Variants in CLVS2 observed in about 807,000 individuals in gnomAD.
CLVS2 encodes clavesin-2.
Under a neutral mutation model 29.0 loss-of-function variants are expected in CLVS2, and 19 were observed. The ratio of observed to expected loss-of-function variants is 0.66; its 90% CI spans 0.46 to 0.96. The LOEUF is 0.96. CLVS2 is among the 40% of genes least tolerant of loss of function. CLVS2 has a pLI of 0.00. For missense variants in CLVS2, 294 were observed against 404.1 expected, an observed-to-expected ratio of 0.73 and a Z score of 2.34; for synonymous variants, 161 against 151.3, an observed-to-expected ratio of 1.06 and a Z score of -0.47.
At chr6:123,055,016 A>G (rs1772672526) in intron 4 of CLVS2, among the ~76,000 whole-genome samples, 1 of 152,214 alleles carries the variant, frequency 6.6e-6, no homozygotes, top group Non-Finnish European at 1.5e-5. Flanking sequence ...TTCAGTGGTA[A>G]GAGACAAAGC....
chr6:123,067,768 A>G lies in CLVS2; in HGVS notation c.*4007A>G, dbSNP rs965856938. On this transcript the variant is annotated 3_prime_UTR_variant, in exon 6 of 6. Coordinates refer to ENST00000275162, the MANE Select transcript of CLVS2 (RefSeq NM_001010852.4). ...CTGATCATACAAGAAGAGGCAGATT[A>G]TAAACCAACATATTGGAACAAAAGA... The G allele has an allele frequency of 6.6e-5, 10 of 151,798 alleles. No individual in the cohort carries two copies. Among genetic ancestry groups the G allele is most frequent in the African/African-American group, 1.9e-4 (8 of 41,414 alleles). 9.4% of individuals were successfully genotyped at this position (151,798 alleles called of 1,614,324 possible). A position where few individuals can be genotyped will look rare whatever the true frequency, so the allele number is the denominator to read the frequency against.
rs9490645 is a variant in CLVS2, at chr6:123,067,502, C to A, written c.*3741C>A. The A allele has an allele frequency of 6.6e-6, 1 of 151,576 alleles. No individual in the cohort carries two copies. The highest frequency in any genetic ancestry group is 1.5e-5 in the Non-Finnish European group (1 of 67,686). The allele number at this position is 151,576 out of a possible 1,614,324, so 9.4% of individuals were successfully genotyped here. On this transcript the variant is annotated 3_prime_UTR_variant, in exon 6 of 6. Coordinates refer to ENST00000275162, the MANE Select transcript of CLVS2 (RefSeq NM_001010852.4). Reference sequence around the variant, plus strand: ...TGGTTGGTGAATAATATCTCAGCTTCTTTTTTTGTGTATATTTATTAATGA... The same window carrying A: ...TGGTTGGTGAATAATATCTCAGCTTATTTTTTTGTGTATATTTATTAATGA...
intron 3 of CLVS2, among the ~76,000 whole-genome samples, chr6:123,033,236 A>G (rs1160244769): frequency 1.3e-5 from 2 of 152,136 alleles, no homozygotes; most frequent in Admixed American, 1.3e-4. Flanking sequence ...AGAGAACAAC[A>G]TAAGATTATA....
At chr6:123,025,233 A>T (rs961166736) in intron 3 of CLVS2, among the ~76,000 whole-genome samples, 1 of 152,150 alleles carries the variant, frequency 6.6e-6, no homozygotes, top group African/African-American at 2.4e-5. Flanking sequence ...GAAAGCCGTT[A>T]TTAAGCACGC....
intron 3 of CLVS2, among the ~76,000 whole-genome samples, chr6:123,030,279 A>G (rs1775064808): frequency 2.0e-5 from 3 of 152,154 alleles, no homozygotes; most frequent in Non-Finnish European, 4.4e-5. Flanking sequence ...TGGAGCTATT[A>G]TAAGAGACAG....
intron 2 of CLVS2, among the ~76,000 whole-genome samples, chr6:123,010,673 C>A (rs1268665036): frequency 1.3e-5 from 2 of 151,920 alleles, no homozygotes; most frequent in Non-Finnish European, 2.9e-5. Context: ...CCACTTAAAA[C>A]GTGTGATGCC....
Position 122,997,683 on chromosome 6 carries a change from G to A in CLVS2, c.-95G>A. 2 of 1,236,084 alleles carry A rather than the reference G, an allele frequency of 1.6e-6. No homozygotes were observed. Among genetic ancestry groups the A allele is most frequent in the Admixed American group, 2.0e-5 (1 of 50,098 alleles). The allele number at this position is 1,236,084 out of a possible 1,614,324, so 76.6% of individuals were successfully genotyped here. ...GGGGAGAGGAAGCAGGCAGCAGGAG[G>A]TCTGGGGGCTGGAGTCTGGTGGTGG... is the stretch of plus-strand genomic sequence containing the variant. On this transcript the variant is annotated 5_prime_UTR_variant, in exon 2 of 6. Transcript: ENST00000275162.
chr6:123,026,712 G>T (rs1201542347), intron 3 of CLVS2, among the ~76,000 whole-genome samples: 2 of 152,114 alleles, frequency 1.3e-5, no homozygotes, highest in Non-Finnish European at 2.9e-5. Flanking sequence ...TGCTAATATT[G>T]TACCTGGCAT....
chr6:123,042,058 A>G (rs1775241757), intron 3 of CLVS2, among the ~76,000 whole-genome samples: 2 of 152,184 alleles, frequency 1.3e-5, no homozygotes, highest in South Asian at 2.1e-4. Context: ...TGGTAAATCC[A>G]TATTATTTCT....
intron 3 of CLVS2, among the ~76,000 whole-genome samples, chr6:123,018,794 A>G (rs1202629956): frequency 1.3e-5 from 2 of 152,064 alleles, no homozygotes; most frequent in Non-Finnish European, 2.9e-5. Flanking sequence ...TTGATGTGCA[A>G]TTAATAACAG....
intron 3 of CLVS2, among the ~76,000 whole-genome samples, chr6:123,041,483 CA>C (rs1319976873): frequency 6.6e-6 from 1 of 151,880 alleles, no homozygotes; most frequent in Non-Finnish European, 1.5e-5. Flanking sequence ...GCAATAACAA[CA>C]AACAAACACC....
intron 5 of CLVS2, among the ~76,000 whole-genome samples, chr6:123,056,367 ACCC>A (rs1030729769): frequency 6.6e-6 from 1 of 151,212 alleles, no homozygotes; most frequent in Non-Finnish European, 1.5e-5. Context: ...CTCCCTATCC[ACCC>A]CCCCAAACCA....
intron 5 of CLVS2, among the ~76,000 whole-genome samples, chr6:123,061,016 AT>A (rs1272235855): frequency 6.6e-6 from 1 of 152,230 alleles, no homozygotes; most frequent in Non-Finnish European, 1.5e-5. Context: ...AACCCCTGAG[AT>A]GGGCTGGGCA....
chr6:123,059,468 C>G (rs1298961238), intron 5 of CLVS2, among the ~76,000 whole-genome samples: 2 of 152,196 alleles, frequency 1.3e-5, no homozygotes, highest in African/African-American at 4.8e-5. Flanking sequence ...TCAGGAAATA[C>G]CAGTTGAATG....
intron 3 of CLVS2, among the ~76,000 whole-genome samples, chr6:123,017,918 A>C (rs2114316663): frequency 6.6e-6 from 1 of 152,218 alleles, no homozygotes; most frequent in South Asian, 2.1e-4. Flanking sequence ...TAGAGAAATG[A>C]GTGCTCTAGG....
rs1296921076 is a variant in CLVS2 at position 123,067,158 on chromosome 6, T to A, written c.*3397T>A. On this transcript the variant is annotated 3_prime_UTR_variant, in exon 6 of 6. Coordinates refer to ENST00000275162, the MANE Select transcript of CLVS2 (RefSeq NM_001010852.4). ...GGAAAGCCAAAAATTCATACATTAA[T>A]ACTTAGCTTTTTTAATACTGTTAAC... is the stretch of plus-strand genomic sequence containing the variant. 6.6e-6 allele frequency: 1 copy of A among 151,798 alleles called. No individual in the cohort carries two copies. The highest frequency in any genetic ancestry group is 1.5e-5 in the Non-Finnish European group (1 of 67,780). The allele number at this position is 151,798 out of a possible 1,614,324, so 9.4% of individuals were successfully genotyped here.
intron 4 of CLVS2, among the ~76,000 whole-genome samples, chr6:123,053,069 A>C (rs145870537): frequency 0.015 from 1,985 of 134,592 alleles, 197 homozygotes; most frequent in African/African-American, 0.056. Context: ...AAATCAGGCC[A>C]GGCGCAGTGG....
At chr6:123,059,045 C>T (rs1405364417) in intron 5 of CLVS2, among the ~76,000 whole-genome samples, 2 of 152,170 alleles carry the variant, frequency 1.3e-5, no homozygotes, top group Non-Finnish European at 2.9e-5. Context: ...TGATCTGACC[C>T]TGCCTCCCTC....
chr6:123,021,078 G>A (rs1162179806), intron 3 of CLVS2, among the ~76,000 whole-genome samples: 1 of 151,192 alleles, frequency 6.6e-6, no homozygotes, highest in Admixed American at 6.6e-5. Flanking sequence ...CAGAATATTT[G>A]CATTCTCTAA....
Sources: allele counts gnomAD v4.1 joint callset (sites outside exome capture counted in the v4.1 genomes callset), GRCh38; gene constraint gnomAD v4.1.1; transcripts MANE v1.5; gene names NCBI Gene and HGNC (gene_info 2026-07-23, HGNC 2026-07-21).